SYT13: variants seen among roughly 807,000 people sequenced by gnomAD.
SYT13 encodes the protein synaptotagmin-13.
A neutral mutation model predicts 38.6 loss-of-function variants in SYT13; 21 were observed. That is an observed-to-expected ratio of 0.54 (90% CI 0.39 to 0.78). The LOEUF is 0.78. Among genes scored for constraint, SYT13 ranks in the 30% least tolerant of loss-of-function variants. SYT13 has a pLI of 0.00. For synonymous variants in SYT13, 241 were observed against 237.6 expected, an observed-to-expected ratio of 1.01 and a Z score of -0.13; for missense variants, 495 against 548.7, an observed-to-expected ratio of 0.90 and a Z score of 0.98.
intron 5 of SYT13, 44 bp downstream of exon 5, chr11:45,246,339 C>T (rs112087689): frequency 1.3e-5 from 21 of 1,605,192 alleles, no homozygotes; most frequent in African/African-American, 5.4e-5. Flanking sequence ...CACACACTCC[C>T]GGTAGCTGGA....
At chr11:45,279,179 A>G (rs1855043719) in intron 1 of SYT13, among the ~76,000 whole-genome samples, 1 of 152,250 alleles carries the variant, frequency 6.6e-6, no homozygotes, top group Non-Finnish European at 1.5e-5. Flanking sequence ...TTTGATTCCC[A>G]GCTCTCCCAC....
intron 1 of SYT13, 103 bp from the exon 2 acceptor site, chr11:45,255,994 G>A (rs1854742766): frequency 5.7e-6 from 7 of 1,219,070 alleles, no homozygotes; most frequent in Middle Eastern, 2.5e-4. Context: ...AGGATGCAGA[G>A]GGAGAGTTGT....
intron 4 of SYT13, among the ~76,000 whole-genome samples, chr11:45,246,848 C>T (rs1590506804): frequency 1.3e-5 from 2 of 152,222 alleles, no homozygotes; most frequent in Non-Finnish European, 2.9e-5. Context: ...TACCCTTCAC[C>T]TTCTGCCACC....
At chr11:45,268,921 G>A (rs576354993) in intron 1 of SYT13, among the ~76,000 whole-genome samples, 27 of 152,284 alleles carry the variant, frequency 1.8e-4, no homozygotes, top group Admixed American at 3.9e-4. Flanking sequence ...TTGCTACCCC[G>A]ACGCACAGTC....
At chr11:45,257,688 G>A (rs760020256) in intron 1 of SYT13, among the ~76,000 whole-genome samples, 9 of 152,168 alleles carry the variant, frequency 5.9e-5, no homozygotes, top group Non-Finnish European at 1.2e-4. Flanking sequence ...TGCCCTGGTT[G>A]AGACTCTGTC....
At chr11:45,282,226 T>A (rs1244735973) in intron 1 of SYT13, among the ~76,000 whole-genome samples, 2 of 152,092 alleles carry the variant, frequency 1.3e-5, no homozygotes, top group African/African-American at 4.8e-5. Flanking sequence ...GACAGAGAGG[T>A]CCCAGGTGAC....
chr11:45,256,064 C>T (rs182058505), intron 1 of SYT13, among the ~76,000 whole-genome samples, 173 bp from the exon 2 acceptor site: 231 of 152,268 alleles, frequency 1.5e-3, no homozygotes, highest in African/African-American at 5.2e-3. Flanking sequence ...TCCAAACCCA[C>T]TCAAATCCAC....
intron 1 of SYT13, among the ~76,000 whole-genome samples, chr11:45,274,868 A>G (rs1854991275): frequency 6.6e-6 from 1 of 152,200 alleles, no homozygotes; most frequent in Non-Finnish European, 1.5e-5. Flanking sequence ...TTCCAAATAA[A>G]ACATCTCCCT....
At chr11:45,281,094 G>A (rs895111440) in intron 1 of SYT13, among the ~76,000 whole-genome samples, 2 of 152,068 alleles carry the variant, frequency 1.3e-5, no homozygotes, top group African/African-American at 4.8e-5. Flanking sequence ...TACTTGGAAG[G>A]CTGAGGCAAG....
At chr11:45,244,718 C>A (rs1220993684) in intron 5 of SYT13, among the ~76,000 whole-genome samples, 1 of 152,186 alleles carries the variant, frequency 6.6e-6, no homozygotes, top group African/African-American at 2.4e-5. Context: ...AAGTGCCTAC[C>A]CTATGGCAGG....
At chr11:45,247,480 T>C (rs75575149) in intron 4 of SYT13, among the ~76,000 whole-genome samples, 1 of 152,224 alleles carries the variant, frequency 6.6e-6, no homozygotes, top group Admixed American at 6.5e-5. Flanking sequence ...TCCCTCCAGA[T>C]GTCACAGCTT....
intron 1 of SYT13, among the ~76,000 whole-genome samples, chr11:45,277,491 A>G (rs1855024030): frequency 6.6e-6 from 1 of 152,230 alleles, no homozygotes; most frequent in African/African-American, 2.4e-5. Flanking sequence ...GAATGCATGA[A>G]TAAATAAATC....
In SYT13 at chr11:45,244,343, C is replaced by T; in HGVS notation, c.990G>A (p.Lys330=). ...KELLGKDVSV[K]VTLKHQARKL... is the part of the protein sequence containing the mutation. ...TCCGAGCCTGGTGCTTCAAGGTCAC[C>T]TTGACAGAGACATCTGGGGAGGGGC... The change falls in exon 6 of 6, where the codon AAG becomes AAA. Residue 330 remains lysine (K), a synonymous_variant. Coordinates refer to ENST00000020926, the MANE Select transcript of SYT13 (RefSeq NM_020826.3). 6.2e-7 allele frequency: 1 copy of T among 1,613,024 alleles called. No individual in the cohort carries two copies.
chr11:45,272,831 G>A (rs552743306), intron 1 of SYT13, among the ~76,000 whole-genome samples: 4 of 152,294 alleles, frequency 2.6e-5, no homozygotes, highest in South Asian at 2.1e-4. Flanking sequence ...GCTTCAAGAC[G>A]CACAAAGCAT....
At chr11:45,278,069 C>T in intron 1 of SYT13, among the ~76,000 whole-genome samples, 1 of 152,292 alleles carries the variant, frequency 6.6e-6, no homozygotes, top group Middle Eastern at 3.4e-3. Flanking sequence ...ACCTGTTTTC[C>T]TTTATAACTC....
rs112570352 is a variant in SYT13 at position 45,265,664 on chromosome 11, G to A, written c.184-9773C>T. On this transcript the variant is annotated intron_variant, in intron 1 of 5. Coordinates refer to ENST00000020926, the MANE Select transcript of SYT13 (RefSeq NM_020826.3). ...CATCTCTCTCACATGTCTTCTTCAA[G>A]GGCACTAATCCCATCATGAGGGCTT... 5.8e-3 allele frequency among the ~76,000 whole-genome samples: 883 copies of A among 152,196 alleles called. 9 individuals are homozygous for A. The highest frequency in any genetic ancestry group is 0.02 in the African/African-American group (826 of 41,536).
intron 1 of SYT13, among the ~76,000 whole-genome samples, chr11:45,279,278 T>C (rs967669988): frequency 2.0e-5 from 3 of 152,242 alleles, no homozygotes; most frequent in African/African-American, 7.2e-5. Context: ...GCTATTGTGA[T>C]AATTAAAATT....
At chr11:45,245,393 T>C (rs1474225317) in intron 5 of SYT13, among the ~76,000 whole-genome samples, 1 of 152,222 alleles carries the variant, frequency 6.6e-6, no homozygotes, top group Non-Finnish European at 1.5e-5. Context: ...ACTGTAATTG[T>C]CCTGACAGGA....
At chr11:45,254,113 G>T in intron 3 of SYT13, 157 bp downstream of exon 3, 1 of 798,186 alleles carries the variant, frequency 1.3e-6, no homozygotes, top group Non-Finnish European at 1.8e-6. Context: ...GGGAGTGTGG[G>T]AAATCTTTGT....
Sources: gnomAD v4.1 joint callset for allele counts (sites outside exome capture counted in the v4.1 genomes callset) on GRCh38, gnomAD v4.1.1 for gene constraint, MANE v1.5 for transcripts, NCBI Gene and HGNC (gene_info 2026-07-23, HGNC 2026-07-21) for gene names.